The following PCDH9 variants were observed in gnomAD, a reference collection of about 807,000 sequenced individuals.
The protein encoded by PCDH9 is protocadherin 9, also known as protocadherin-9.
A neutral mutation model predicts 70.6 loss-of-function variants in PCDH9; 24 were observed. That is an observed-to-expected ratio of 0.34 (90% CI 0.25 to 0.48). PCDH9 has a LOEUF of 0.48. PCDH9 is among the 20% of genes least tolerant of loss of function. The probability of loss-of-function intolerance (pLI) is 0.99; values close to 1 mark genes in which losing one functional copy is unlikely to be tolerated. For missense variants in PCDH9, 1,281 were observed against 1,503.6 expected, an observed-to-expected ratio of 0.85 and a Z score of 2.45; for synonymous variants, 562 against 558.5, an observed-to-expected ratio of 1.01 and a Z score of -0.09.
chr13:66,701,139 A>T (rs1295435027), intron 3 of PCDH9, among the ~76,000 whole-genome samples: 1 of 151,574 alleles, frequency 6.6e-6, no homozygotes, highest in Non-Finnish European at 1.5e-5. Flanking sequence ...AACTGGGTCA[A>T]AATGACCATT....
intron 4 of PCDH9, among the ~76,000 whole-genome samples, chr13:66,582,944 C>A (rs2076912442): frequency 2.0e-5 from 3 of 152,032 alleles, no homozygotes; most frequent in Non-Finnish European, 4.4e-5. Context: ...TACTCTCCAC[C>A]CAAACACATG....
chr13:66,808,189 T>A (rs1747227977), intron 3 of PCDH9, among the ~76,000 whole-genome samples: 1 of 152,178 alleles, frequency 6.6e-6, no homozygotes, highest in African/African-American at 2.4e-5. Flanking sequence ...TGGAGCAAAG[T>A]CAATCTCTGC....
intron 3 of PCDH9, among the ~76,000 whole-genome samples, chr13:66,677,362 A>G (rs922125629): frequency 1.3e-5 from 2 of 152,206 alleles, no homozygotes; most frequent in Admixed American, 1.3e-4. Context: ...AATCTAGGAT[A>G]GTAAGTAAAC....
chr13:66,874,119 T>C lies in PCDH9; in HGVS notation c.3138+29385A>G, dbSNP rs1208981768. Among the ~76,000 whole-genome samples, 3 of 151,922 alleles carry C rather than the reference T, an allele frequency of 2.0e-5. No individual in the cohort carries two copies. The East Asian group carries it at 5.8e-4, about 29-fold the overall frequency. ...CCATGTCCAGCTGATTTTTGTATTT[T>C]TAGTAGGGACAGTATTTCTCCATGA... is the stretch of plus-strand genomic sequence containing the variant. On this transcript the variant is annotated intron_variant, in intron 3 of 4. Transcript: ENST00000377865.
At chr13:66,947,949 A>C (rs1362044894) in intron 2 of PCDH9, among the ~76,000 whole-genome samples, 1 of 152,102 alleles carries the variant, frequency 6.6e-6, no homozygotes, top group Admixed American at 6.6e-5. Context: ...TAGTTATTGG[A>C]ACTATCTAAC....
intron 3 of PCDH9, among the ~76,000 whole-genome samples, chr13:66,732,454 T>C (rs1182126611): frequency 1.3e-5 from 2 of 152,010 alleles, no homozygotes; most frequent in African/African-American, 4.8e-5. Context: ...ACAAGGGCCT[T>C]GCCAAGCTTG....
chr13:66,806,446 T>C (rs1258547919), intron 3 of PCDH9, among the ~76,000 whole-genome samples: 1 of 152,142 alleles, frequency 6.6e-6, no homozygotes, highest in Non-Finnish European at 1.5e-5. Flanking sequence ...TTGGTTACTA[T>C]GTTGGAACAG....
chr13:66,435,434 G>T (rs543929674), intron 4 of PCDH9, among the ~76,000 whole-genome samples: 3 of 152,172 alleles, frequency 2.0e-5, no homozygotes, highest in Non-Finnish European at 4.4e-5. Context: ...CAATATAAAA[G>T]TATTACCATA....
At chr13:66,676,005 A>T (rs2078238142) in intron 3 of PCDH9, among the ~76,000 whole-genome samples, 1 of 152,148 alleles carries the variant, frequency 6.6e-6, no homozygotes, top group Admixed American at 6.6e-5. Context: ...TCTCCCCAAC[A>T]TTGTGTAACA....
At chr13:66,946,160 A>G (rs1178533764) in intron 2 of PCDH9, among the ~76,000 whole-genome samples, 1 of 152,076 alleles carries the variant, frequency 6.6e-6, no homozygotes, top group African/African-American at 2.4e-5. Flanking sequence ...CCATTAGCCT[A>G]TTTTTATTGA....
At chr13:66,962,063 A>G (rs1291317250) in intron 2 of PCDH9, among the ~76,000 whole-genome samples, 2 of 152,114 alleles carry the variant, frequency 1.3e-5, no homozygotes, top group African/African-American at 4.8e-5. Flanking sequence ...AAACAAAAAA[A>G]CAAAACAAAA....
intron 3 of PCDH9, among the ~76,000 whole-genome samples, chr13:66,637,368 G>A (rs1372195503): frequency 6.6e-6 from 1 of 152,080 alleles, no homozygotes; most frequent in East Asian, 1.9e-4. Context: ...TATGATTTAT[G>A]GAAATTACTA....
At chr13:66,623,829 A>G (rs184981126) in intron 4 of PCDH9, among the ~76,000 whole-genome samples, 1 of 152,334 alleles carries the variant, frequency 6.6e-6, no homozygotes, top group East Asian at 1.9e-4. Flanking sequence ...GGGGGATCAT[A>G]TACAATGAAT....
chr13:66,368,565 A>T (rs1956590448), intron 4 of PCDH9, among the ~76,000 whole-genome samples: 1 of 151,644 alleles, frequency 6.6e-6, no homozygotes, highest in South Asian at 2.1e-4. Flanking sequence ...ATATATATGT[A>T]TATTCGTGTA....
chr13:66,864,930 G>C (rs886532527), intron 3 of PCDH9, among the ~76,000 whole-genome samples: 8 of 152,230 alleles, frequency 5.3e-5, no homozygotes, highest in African/African-American at 1.9e-4. Flanking sequence ...TCACTTTGCC[G>C]TGGTGAGAAC....
rs1012674010 is a variant in PCDH9, at chr13:66,303,411, T to C, written c.*1244A>G. The C allele has an allele frequency of 5.9e-5, 9 of 152,492 alleles. No individual in the cohort carries two copies. The highest frequency in any genetic ancestry group is 2.2e-4 in the African/African-American group (9 of 41,440). 9.4% of individuals were successfully genotyped at this position (152,492 alleles called of 1,614,324 possible). ...TTAAACAGCAATAATTAGAGATTTATCCCTTTATTTCCCCCAACTACCCTA... is the reference window on the plus strand; with the variant it reads ...TTAAACAGCAATAATTAGAGATTTACCCCTTTATTTCCCCCAACTACCCTA... On this transcript the variant is annotated 3_prime_UTR_variant, in exon 5 of 5. Coordinates refer to ENST00000377865, the MANE Select transcript of PCDH9 (RefSeq NM_203487.3).
chr13:66,402,653 C>T (rs914765530), intron 4 of PCDH9, among the ~76,000 whole-genome samples: 3 of 152,082 alleles, frequency 2.0e-5, no homozygotes, highest in African/African-American at 7.2e-5. Context: ...TTAATGCTGA[C>T]ACACTGTATA....
intron 2 of PCDH9, among the ~76,000 whole-genome samples, chr13:67,017,953 A>G (rs560666559): frequency 1.3e-5 from 2 of 152,338 alleles, no homozygotes; most frequent in Non-Finnish European, 2.9e-5. Flanking sequence ...ACCCAGAGAT[A>G]TACAACTCAG....
chr13:67,076,665 T>A (rs1022525846), intron 2 of PCDH9, among the ~76,000 whole-genome samples: 1 of 152,154 alleles, frequency 6.6e-6, no homozygotes, highest in African/African-American at 2.4e-5. Context: ...TGAATCAGCA[T>A]CTGCAAAGTC....
Sources: gnomAD v4.1 joint callset for allele counts (sites outside exome capture counted in the v4.1 genomes callset) on GRCh38, gnomAD v4.1.1 for gene constraint, MANE v1.5 for transcripts, NCBI Gene and HGNC (gene_info 2026-07-23, HGNC 2026-07-21) for gene names.